TJAP1: variants seen among roughly 807,000 people sequenced by gnomAD.
The protein encoded by TJAP1 is tight junction-associated protein 1.
A neutral mutation model predicts 42.0 loss-of-function variants in TJAP1; 27 were observed. The observed-to-expected ratio is 0.64, with a 90% CI of 0.47 to 0.89. The LOEUF is 0.89. TJAP1 is among the 40% of genes least tolerant of loss of function. The pLI, the probability that TJAP1 is intolerant of heterozygous loss-of-function variation, is 0.00. For synonymous variants in TJAP1, 257 were observed against 288.4 expected, an observed-to-expected ratio of 0.89 and a Z score of 1.10; for missense variants, 712 against 726.9, an observed-to-expected ratio of 0.98 and a Z score of 0.24.
exon 11 of TJAP1, chr6:43,504,844 A>G (rs1457643085): frequency 1.9e-5 from 30 of 1,614,076 alleles, no homozygotes; most frequent in Non-Finnish European, 2.5e-5. Flanking sequence ...CTCCCAGCCT[A>G]GCCCCAGGGG....
At chr6:43,500,967 G>A (rs1790388917) in intron 5 of TJAP1, 195 bp downstream of exon 5, 2 of 639,510 alleles carry the variant, frequency 3.1e-6, no homozygotes, top group African/African-American at 1.8e-5. Flanking sequence ...ATTGTTCCAT[G>A]GGCTTCAAGA....
chr6:43,504,830 C>G, exon 11 of TJAP1: 2 of 1,614,224 alleles, frequency 1.2e-6, no homozygotes, highest in Non-Finnish European at 1.7e-6. Flanking sequence ...CAGCCCAGGT[C>G]CTGCTCCCAG....
intron 5 of TJAP1, 37 bp downstream of exon 5, chr6:43,500,809 ACT>A (rs752239892): frequency 5.0e-6 from 8 of 1,612,538 alleles, no homozygotes; most frequent in South Asian, 3.3e-5. Context: ...CCCTGCCTCA[ACT>A]CTGTCCCTCT....
chr6:43,500,233 C>T (rs926810562), intron 4 of TJAP1, among the ~76,000 whole-genome samples: 8 of 152,218 alleles, frequency 5.3e-5, no homozygotes, highest in African/African-American at 1.9e-4. Context: ...CACTTCCTCC[C>T]CTTAGTCAGG....
chr6:43,501,264 A>G (rs1182716138), intron 5 of TJAP1: 4 of 465,500 alleles, frequency 8.6e-6, no homozygotes, highest in African/African-American at 4.0e-5. Flanking sequence ...CTTTATTTCT[A>G]TTCTCCGATA....
intron 6 of TJAP1, 65 bp downstream of exon 6, chr6:43,501,752 ACACACACTCT>A (rs1475534379): frequency 3.2e-4 from 193 of 596,650 alleles, no homozygotes; most frequent in Non-Finnish European, 4.3e-4. Flanking sequence ...ACACACACAC[ACACACACTCT>A]CTCTGTCTCT....
At chr6:43,502,076 A>ACACACACACACACACTCTCTCTCT (rs767085594) in intron 6 of TJAP1, among the ~76,000 whole-genome samples, 1 of 68,930 alleles carries the variant, frequency 1.5e-5, no homozygotes, top group African/African-American at 7.7e-5. Flanking sequence ...ACACACACAC[A>ACACACACACACACACTCTCTCTCT]CTCTCTCTCT....
At chr6:43,496,433 C>G (rs540863320) in intron 2 of TJAP1, among the ~76,000 whole-genome samples, 3 of 152,328 alleles carry the variant, frequency 2.0e-5, no homozygotes, top group South Asian at 4.1e-4. Flanking sequence ...GCCCGCCCAC[C>G]CGGATTCCTG....
intron 6 of TJAP1, 101 bp downstream of exon 6, chr6:43,501,788 T>G (rs1379705339): frequency 6.0e-6 from 4 of 667,254 alleles, no homozygotes; most frequent in African/African-American, 1.9e-5. Flanking sequence ...TCTCTGTGTC[T>G]CTGTCTCTCT....
At chr6:43,484,981 G>A (rs1786139669) in intron 2 of TJAP1, among the ~76,000 whole-genome samples, 1 of 152,178 alleles carries the variant, frequency 6.6e-6, no homozygotes, top group African/African-American at 2.4e-5. Context: ...ACCCACCTGG[G>A]CCTCCCAAAG....
At chr6:43,500,323 C>CTGAG (rs1790239275) in intron 4 of TJAP1, among the ~76,000 whole-genome samples, 1 of 152,204 alleles carries the variant, frequency 6.6e-6, no homozygotes, top group African/African-American at 2.4e-5. Flanking sequence ...CATCTCAAGG[C>CTGAG]TGAGGGCTTT....
At chr6:43,489,348 C>T (rs1046933831) in intron 2 of TJAP1, among the ~76,000 whole-genome samples, 3 of 152,232 alleles carry the variant, frequency 2.0e-5, no homozygotes, top group African/African-American at 7.2e-5. Context: ...GGAAGTGCCA[C>T]CCCTGGCCAG....
intron 2 of TJAP1, among the ~76,000 whole-genome samples, chr6:43,480,548 C>T (rs1044245650): frequency 2.6e-5 from 4 of 151,748 alleles, no homozygotes; most frequent in South Asian, 2.1e-4. Flanking sequence ...GACGAAGTCT[C>T]GTTCTTGTCG....
chr6:43,498,882 C>T (rs974783526), intron 3 of TJAP1, 96 bp from the exon 4 acceptor site: 183 of 1,370,728 alleles, frequency 1.3e-4, no homozygotes, highest in Non-Finnish European at 1.7e-4. Flanking sequence ...ATGTGGTGGC[C>T]TCAACATATG....
chr6:43,478,743 T>G (rs1404274280), intron 2 of TJAP1: 4 of 152,242 alleles, frequency 2.6e-5, no homozygotes, highest in Non-Finnish European at 5.9e-5. Flanking sequence ...TTAGTGTTCC[T>G]CTGGGGATGT....
intron 2 of TJAP1, chr6:43,497,350 C>T (rs2127582840): frequency 6.6e-6 from 1 of 152,408 alleles, no homozygotes; most frequent in South Asian, 2.1e-4. Context: ...TTTCAGATTT[C>T]TTCTCCTAGC....
At chr6:43,479,822 C>T (rs759683002) in intron 2 of TJAP1, among the ~76,000 whole-genome samples, 16 of 152,122 alleles carry the variant, frequency 1.1e-4, no homozygotes, top group South Asian at 2.1e-4. Flanking sequence ...ATACAAAAAT[C>T]GGCTGGGCGT....
chr6:43,497,739 C>T (rs1360840732), intron 2 of TJAP1, 142 bp from the exon 3 acceptor site: 1 of 152,380 alleles, frequency 6.6e-6, no homozygotes, highest in Non-Finnish European at 1.5e-5. Context: ...CCGCTTTCCC[C>T]TCAGGCCCTC....
At chr6:43,499,452 A>T (rs1005039463) in intron 4 of TJAP1, among the ~76,000 whole-genome samples, 11 of 152,198 alleles carry the variant, frequency 7.2e-5, no homozygotes, top group Non-Finnish European at 1.0e-4. Context: ...GAGCCATTCA[A>T]CCTGTGGCCC....
Sources: gnomAD v4.1 joint callset for allele counts (sites outside exome capture counted in the v4.1 genomes callset) on GRCh38, gnomAD v4.1.1 for gene constraint, MANE v1.5 for transcripts, NCBI Gene and HGNC (gene_info 2026-07-23, HGNC 2026-07-21) for gene names.